The following UPRT variants were observed in gnomAD, a reference collection of about 807,000 sequenced individuals.
UPRT encodes RP11-311P8.3.
A neutral mutation model predicts 22.6 loss-of-function variants in UPRT; 5 were observed. That is an observed-to-expected ratio of 0.22 (90% CI 0.12 to 0.47). The LOEUF is 0.47. Among genes scored for constraint, UPRT ranks in the 20% least tolerant of loss-of-function variants. UPRT has a pLI of 0.99. For synonymous variants in UPRT, 77 were observed against 87.7 expected (o/e 0.88, Z 0.68); for missense variants, 181 against 239.9 (o/e 0.75, Z 1.62).
chrX:75,249,492 T>C lies in UPRT; in HGVS notation c.-446-41532T>C, dbSNP rs1347577918. Reference sequence around the variant, plus strand: ...CATTACATAATGGTAAAATGATCAATTCAACAAGAAGAGCTGACAATCCTA... The same window carrying C: ...CATTACATAATGGTAAAATGATCAACTCAACAAGAAGAGCTGACAATCCTA... On this transcript the variant is annotated intron_variant, in intron 4 of 13. Transcript: ENST00000652605. Among the ~76,000 whole-genome samples the C allele has an allele frequency of 5.4e-5, 6 of 111,754 alleles. No homozygotes were observed. In the East Asian group the frequency reaches 1.7e-3, roughly 32 times the overall value.
chrX:75,252,200 AAATTGAC>A (rs2082533027), intron 4 of UPRT, among the ~76,000 whole-genome samples: 1 of 112,382 alleles, frequency 8.9e-6, no homozygotes, highest in Admixed American at 9.4e-5. Flanking sequence ...ACAAAAGCCA[AAATTGAC>A]AAATGGGATC....
intron 4 of UPRT, among the ~76,000 whole-genome samples, chrX:75,183,785 AT>A (rs2082279427): frequency 8.9e-6 from 1 of 111,961 alleles, no homozygotes; most frequent in Non-Finnish European, 1.9e-5. Context: ...GATGATGAGC[AT>A]TTTTTCATGT....
chrX:75,158,598 A>G (rs1303712335), intron 1 of UPRT, among the ~76,000 whole-genome samples: 4 of 111,506 alleles, frequency 3.6e-5, no homozygotes, highest in Non-Finnish European at 7.5e-5. Context: ...GACTCCAAAC[A>G]TAGTGCTCTT....
intron 4 of UPRT, among the ~76,000 whole-genome samples, chrX:75,252,172 A>G (rs2082532866): frequency 8.9e-6 from 1 of 112,321 alleles, no homozygotes; most frequent in Admixed American, 9.4e-5. Context: ...CATGTCTATA[A>G]CACCAAAAGC....
At chrX:75,219,848 A>G (rs1024077120) in intron 4 of UPRT, among the ~76,000 whole-genome samples, 1 of 112,066 alleles carries the variant, frequency 8.9e-6, no homozygotes, top group Admixed American at 9.4e-5. Context: ...ACCAGACTTA[A>G]TCTGCACTAT....
intron 4 of UPRT, among the ~76,000 whole-genome samples, chrX:75,235,466 C>T (rs866545125): frequency 3.3e-4 from 37 of 111,771 alleles, no homozygotes; most frequent in South Asian, 7.6e-4. Flanking sequence ...ATACCAAAGC[C>T]GGGCAGGGAC....
At chrX:75,210,432 A>G (rs886927643) in intron 4 of UPRT, among the ~76,000 whole-genome samples, 8 of 111,145 alleles carry the variant, frequency 7.2e-5, no homozygotes, top group African/African-American at 2.6e-4. Context: ...TTATCTTTTT[A>G]AGATGGGAGA....
intron 4 of UPRT, among the ~76,000 whole-genome samples, chrX:75,230,337 G>A (rs1181404749): frequency 1.8e-5 from 2 of 111,238 alleles, no homozygotes; most frequent in East Asian, 2.8e-4. Flanking sequence ...TGCCCTGGTA[G>A]CCTAAGACAA....
chrX:75,175,488 G>A lies in UPRT; in HGVS notation c.-447+7609G>A, dbSNP rs764268221. ...ACAGGAGATTAACACTGAGAAGGCC[G>A]CACCAGTGTCCAGGAGGAAGTCAAT... On this transcript the variant is annotated intron_variant, in intron 4 of 13. Coordinates refer to the UPRT transcript ENST00000652605. 1.3e-4 allele frequency among the ~76,000 whole-genome samples: 14 copies of A among 111,926 alleles called. No individual in the cohort carries two copies. In the South Asian group the frequency reaches 3.4e-3, roughly 27 times the overall value.
chrX:75,216,813 G>C (rs1275135751), intron 4 of UPRT, among the ~76,000 whole-genome samples: 1 of 112,162 alleles, frequency 8.9e-6, no homozygotes, highest in Non-Finnish European at 1.9e-5. Flanking sequence ...GGAGTGCAGC[G>C]GCGCAATCTC....
intron 4 of UPRT, among the ~76,000 whole-genome samples, chrX:75,219,760 T>C (rs2082404336): frequency 9.0e-6 from 1 of 111,179 alleles, no homozygotes; most frequent in Admixed American, 9.6e-5. Flanking sequence ...CAGACCCCAA[T>C]ACAATAATAG....
Position 75,257,627 on chromosome X carries a change from C to T in UPRT, c.-446-33397C>T, listed in dbSNP as rs139949028. 6.6e-3 allele frequency among the ~76,000 whole-genome samples: 739 copies of T among 111,629 alleles called. 4 individuals carry two copies. The highest frequency in any genetic ancestry group is 0.023 in the African/African-American group (698 of 30,742). On this transcript the variant is annotated intron_variant, in intron 4 of 13. Coordinates refer to the UPRT transcript ENST00000652605. ...TTACCTAGAAAACCCTAAAGTTTCT[C>T]CAGAAAGCTCCTAGAACTGATAAAA... is the stretch of plus-strand genomic sequence containing the variant.
intron 4 of UPRT, among the ~76,000 whole-genome samples, chrX:75,255,729 A>G (rs1010950448): frequency 8.9e-6 from 1 of 112,116 alleles, no homozygotes; most frequent in Non-Finnish European, 1.9e-5. Flanking sequence ...ATCAGACAAA[A>G]CAAACTTGAA....
chrX:75,293,968 A>G (rs372315757), intron 2 of UPRT, among the ~76,000 whole-genome samples: 2 of 111,235 alleles, frequency 1.8e-5, no homozygotes, highest in South Asian at 3.8e-4. Flanking sequence ...TAGCCTTCAC[A>G]TGTGAAATAG....
intron 3 of UPRT, among the ~76,000 whole-genome samples, chrX:75,166,561 A>C (rs756915762): frequency 1.8e-5 from 2 of 111,952 alleles, no homozygotes; most frequent in African/African-American, 3.2e-5. Flanking sequence ...TCTACTCACC[A>C]AATAGCCTTC....
intron 4 of UPRT, among the ~76,000 whole-genome samples, chrX:75,260,017 G>A (rs929783317): frequency 1.8e-5 from 2 of 111,721 alleles, no homozygotes; most frequent in African/African-American, 6.5e-5. Flanking sequence ...AGCTTCATAA[G>A]TGAAGGAGAA....
intron 4 of UPRT, among the ~76,000 whole-genome samples, chrX:75,204,573 C>A (rs1481688423): frequency 8.9e-6 from 1 of 112,002 alleles, no homozygotes; most frequent in Admixed American, 9.4e-5. Flanking sequence ...ACAAGGGTAA[C>A]CCCTGTGAGG....
chrX:75,165,894 C>T (rs1486672658), intron 3 of UPRT, among the ~76,000 whole-genome samples: 1 of 111,296 alleles, frequency 9.0e-6, no homozygotes, highest in African/African-American at 3.3e-5. Context: ...TGAGCCACTG[C>T]ACCTGACTAA....
chrX:75,250,232 G>C (rs1285479373), intron 4 of UPRT, among the ~76,000 whole-genome samples: 2 of 110,007 alleles, frequency 1.8e-5, no homozygotes, highest in African/African-American at 6.6e-5. Context: ...GAAGGAAATA[G>C]AGACAAAAAA....
Sources: gnomAD v4.1 joint callset for allele counts (sites outside exome capture counted in the v4.1 genomes callset) on GRCh38, gnomAD v4.1.1 for gene constraint, MANE v1.5 for transcripts, NCBI Gene and HGNC (gene_info 2026-07-23, HGNC 2026-07-21) for gene names.